The following FGL1 variants were observed in gnomAD, a reference collection of about 807,000 sequenced individuals.
The protein encoded by FGL1 is fibrinogen-like protein 1.
A neutral mutation model predicts 43.7 loss-of-function variants in FGL1; 59 were observed. The observed-to-expected ratio is 1.35, with a 90% CI of 1.10 to 1.68. The LOEUF (loss-of-function observed/expected upper bound fraction) is 1.68, where lower values mean the gene tolerates loss of function less well. Among genes scored for constraint, FGL1 ranks in the 40% most tolerant of loss-of-function variants. FGL1 has a pLI of 0.00. For synonymous variants in FGL1, 192 were observed against 126.5 expected, an observed-to-expected ratio of 1.52 and a Z score of -3.48; for missense variants, 596 against 373.0, an observed-to-expected ratio of 1.60 and a Z score of -4.92.
chr8:17,887,869 C>A (rs116937149), intron 1 of FGL1, among the ~76,000 whole-genome samples: 2,390 of 150,996 alleles, frequency 0.016, 28 homozygotes, highest in Non-Finnish European at 0.021. Context: ...ACCCATTTTT[C>A]CATTAAAGTT....
intron 1 of FGL1, among the ~76,000 whole-genome samples, chr8:17,886,683 G>C (rs1261113753): frequency 1.3e-5 from 2 of 152,112 alleles, no homozygotes; most frequent in Non-Finnish European, 2.9e-5. Context: ...GCTTGAACCC[G>C]GGAGATGGAG....
intron 1 of FGL1, among the ~76,000 whole-genome samples, chr8:17,888,301 G>T (rs1025388188): frequency 6.6e-6 from 1 of 152,134 alleles, no homozygotes; most frequent in South Asian, 2.1e-4. Context: ...GATTAGGTTT[G>T]CTATCAATTA....
chr8:17,889,426 T>A (rs1488871253), intron 1 of FGL1, among the ~76,000 whole-genome samples: 1 of 152,136 alleles, frequency 6.6e-6, no homozygotes, highest in African/African-American at 2.4e-5. Flanking sequence ...GGTGCACACC[T>A]GTAATCCCAG....
At chr8:17,871,535 A>C (rs2053361096) in intron 5 of FGL1, among the ~76,000 whole-genome samples, 1 of 152,124 alleles carries the variant, frequency 6.6e-6, no homozygotes, top group South Asian at 2.1e-4. Flanking sequence ...TAACAGAGAC[A>C]TAAAGACTCA....
chr8:17,867,801 G>T (rs1453580496), intron 7 of FGL1, among the ~76,000 whole-genome samples: 1 of 152,174 alleles, frequency 6.6e-6, no homozygotes, highest in Non-Finnish European at 1.5e-5. Flanking sequence ...AATTCGGCAG[G>T]GTGCGGTGGC....
intron 5 of FGL1, among the ~76,000 whole-genome samples, chr8:17,870,032 C>T (rs2053333976): frequency 6.6e-6 from 1 of 152,072 alleles, no homozygotes; most frequent in South Asian, 2.1e-4. Context: ...ATGGCGTGAA[C>T]CCAGAAGGCA....
chr8:17,879,749 C>G (rs531775534), intron 3 of FGL1, among the ~76,000 whole-genome samples: 1 of 151,786 alleles, frequency 6.6e-6, no homozygotes, highest in Admixed American at 6.5e-5. Flanking sequence ...ATAAACGACC[C>G]AGCCTCATTC....
At chr8:17,866,375 A>G (rs1282894626) in intron 7 of FGL1, among the ~76,000 whole-genome samples, 5 of 152,202 alleles carry the variant, frequency 3.3e-5, no homozygotes, top group Admixed American at 1.3e-4. Flanking sequence ...TAGGTGGGTA[A>G]TATTTATGAA....
chr8:17,867,205 T>C (rs1400229435), intron 7 of FGL1, among the ~76,000 whole-genome samples: 1 of 152,210 alleles, frequency 6.6e-6, no homozygotes, highest in Non-Finnish European at 1.5e-5. Context: ...ATTCTATATA[T>C]TGATACTATG....
At chr8:17,884,520 C>A (rs978728049) in intron 2 of FGL1, among the ~76,000 whole-genome samples, 1 of 152,002 alleles carries the variant, frequency 6.6e-6, no homozygotes, top group African/African-American at 2.4e-5. Flanking sequence ...CTTATTTGTT[C>A]TTGTTACTCT....
At chr8:17,867,216 C>T (rs7826011) in intron 7 of FGL1, among the ~76,000 whole-genome samples, 2 of 152,112 alleles carry the variant, frequency 1.3e-5, no homozygotes, top group Non-Finnish European at 2.9e-5. Context: ...TGATACTATG[C>T]TTTTTCAGTC....
intron 3 of FGL1, among the ~76,000 whole-genome samples, chr8:17,877,270 A>G (rs35246242): frequency 0.031 from 4,748 of 152,210 alleles, 239 homozygotes; most frequent in African/African-American, 0.11. Flanking sequence ...GAATATTTAC[A>G]TAATACTAGA....
chr8:17,867,566 C>G (rs536047720), intron 7 of FGL1, among the ~76,000 whole-genome samples: 4 of 152,172 alleles, frequency 2.6e-5, no homozygotes, highest in Non-Finnish European at 5.9e-5. Flanking sequence ...AGCATTACAG[C>G]TCTTGTGCTT....
intron 1 of FGL1, among the ~76,000 whole-genome samples, chr8:17,893,035 C>T (rs1179009261): frequency 6.6e-6 from 1 of 152,078 alleles, no homozygotes; most frequent in East Asian, 1.9e-4. Flanking sequence ...CCCGTCCCTA[C>T]TAAAAATACA....
chr8:17,880,734 C>A (rs2427734), intron 3 of FGL1, among the ~76,000 whole-genome samples: 28,573 of 151,952 alleles, frequency 0.19, 3,551 homozygotes, highest in African/African-American at 0.35. Flanking sequence ...AAAGTGCTTT[C>A]GCTAGCATTC....
In FGL1 at chr8:17,882,712, TTA is replaced by T. The variant is rs1491287665; in HGVS notation, c.64-535_64-534del. 177 of 139,740 alleles carry T rather than the reference TTA, an allele frequency of 1.3e-3. 1 individual carries two copies. The highest frequency in any genetic ancestry group is 2.0e-3 in the Non-Finnish European group (132 of 66,004). The allele number at this position is 139,740 out of a possible 1,614,324, so 8.7% of individuals were successfully genotyped here. On this transcript the variant is annotated intron_variant, in intron 2 of 7. Transcript: ENST00000427924. ...ATGTATATTTAATGTATATTATATA[TTA>T]TATATATTATATATGCATATAAATA...
chr8:17,885,633 T>G, intron 1 of FGL1, 62 bp from the exon 2 acceptor site: 1 of 1,392,452 alleles, frequency 7.2e-7, no homozygotes, highest in South Asian at 1.2e-5. Flanking sequence ...AGACCAGAGT[T>G]CAGACTTCAG....
At chr8:17,877,189 G>A (rs1244888083) in intron 3 of FGL1, among the ~76,000 whole-genome samples, 2 of 151,786 alleles carry the variant, frequency 1.3e-5, no homozygotes, top group African/African-American at 4.8e-5. Context: ...TGGAGAATAG[G>A]TAGAAGAAAG....
intron 2 of FGL1, among the ~76,000 whole-genome samples, chr8:17,883,152 C>A (rs1224164265): frequency 1.2e-5 from 1 of 80,328 alleles, no homozygotes; most frequent in African/African-American, 6.4e-5. Context: ...TAATATATAT[C>A]ATATATAATA....
Sources: allele counts gnomAD v4.1 joint callset (sites outside exome capture counted in the v4.1 genomes callset), GRCh38; gene constraint gnomAD v4.1.1; transcripts MANE v1.5; gene names NCBI Gene and HGNC (gene_info 2026-07-23, HGNC 2026-07-21).